Variants in TEX10 observed in about 807,000 individuals in gnomAD.
TEX10 encodes testis-expressed protein 10.
TEX10 carries 24 observed loss-of-function variants against 104.4 expected under a neutral mutation model. That is an observed-to-expected ratio of 0.23 (90% CI 0.17 to 0.32). The LOEUF is 0.32. TEX10 is among the 10% of genes least tolerant of loss of function. The pLI is 1.00. For synonymous variants in TEX10, 396 were observed against 393.4 expected (o/e 1.01, Z -0.08); for missense variants, 921 against 1,083.9 (o/e 0.85, Z 2.11).
At chr9:100,329,834 A>T in intron 6 of TEX10, 97 bp downstream of exon 6, 1 of 1,029,188 alleles carries the variant, frequency 9.7e-7, no homozygotes, top group Non-Finnish European at 1.4e-6. Context: ...TAGCCTGACT[A>T]CATGGAATGT....
chr9:100,324,692 G>A (rs1183277640), intron 9 of TEX10, among the ~76,000 whole-genome samples: 1 of 152,146 alleles, frequency 6.6e-6, no homozygotes, highest in Non-Finnish European at 1.5e-5. Context: ...GTGAACAGAT[G>A]TTGATGAAGA....
At chr9:100,340,778 A>T (rs1009876504) in intron 4 of TEX10, among the ~76,000 whole-genome samples, 1 of 152,226 alleles carries the variant, frequency 6.6e-6, no homozygotes, top group Non-Finnish European at 1.5e-5. Flanking sequence ...GCATTTACTT[A>T]AAATGCTTCA....
intron 1 of TEX10, chr9:100,352,401 T>C (rs891375923): frequency 6.4e-7 from 1 of 1,551,676 alleles, no homozygotes; most frequent in Non-Finnish European, 8.7e-7. Flanking sequence ...CCTGCATCCA[T>C]CCCAGAGGCG....
At chr9:100,345,247 C>A (rs1049889178) in intron 4 of TEX10, among the ~76,000 whole-genome samples, 1 of 152,164 alleles carries the variant, frequency 6.6e-6, no homozygotes, top group African/African-American at 2.4e-5. Flanking sequence ...ATAGAACACG[C>A]TCTTAAAATA....
chr9:100,346,176 C>G lies in TEX10; in HGVS notation c.1033G>C (p.Gly345Arg), dbSNP rs778677905. 2 of 1,613,980 alleles carry G rather than the reference C, an allele frequency of 1.2e-6. No homozygotes were observed. The highest frequency in any genetic ancestry group is 1.7e-6 in the Non-Finnish European group (2 of 1,179,934). ...AVPPQLATPV[G>R]NGIEREPLQV... ...AGAGGTTCTCGTTCTATACCATTCC[C>G]AACAGGAGTAGCTAGTTGTGGAGGT... Residue 345 changes from glycine to arginine, a missense_variant, in exon 4 of 15, where the codon GGG (glycine) becomes CGG (arginine). Transcript: ENST00000374902.
At chr9:100,325,935 G>A (rs1834695707) in intron 9 of TEX10, among the ~76,000 whole-genome samples, 1 of 152,120 alleles carries the variant, frequency 6.6e-6, no homozygotes, top group African/African-American at 2.4e-5. Flanking sequence ...CAGTCCACAA[G>A]CTTGTTTAAT....
chr9:100,334,642 G>C (rs561932020), intron 5 of TEX10, among the ~76,000 whole-genome samples: 1 of 150,526 alleles, frequency 6.6e-6, no homozygotes, highest in Non-Finnish European at 1.5e-5. Context: ...TTGTTTTCCT[G>C]GAACTGATAG....
chr9:100,310,056 CA>C (rs1834235160), intron 12 of TEX10, among the ~76,000 whole-genome samples: 2 of 152,194 alleles, frequency 1.3e-5, no homozygotes, highest in Non-Finnish European at 2.9e-5. Flanking sequence ...TCCCTTATTT[CA>C]CTGATTTAGA....
At chr9:100,317,853 T>C (rs933158346) in intron 11 of TEX10, among the ~76,000 whole-genome samples, 2 of 152,042 alleles carry the variant, frequency 1.3e-5, no homozygotes, top group Non-Finnish European at 2.9e-5. Context: ...AGATGACAAA[T>C]TGGCCAAAAA....
intron 1 of TEX10, chr9:100,352,412 A>C: frequency 6.4e-7 from 1 of 1,551,758 alleles, no homozygotes; most frequent in Non-Finnish European, 8.7e-7. Context: ...CCCAGAGGCG[A>C]ACACACCATG....
chr9:100,345,218 AGAT>A (rs1037797114), intron 4 of TEX10, among the ~76,000 whole-genome samples: 37 of 152,334 alleles, frequency 2.4e-4, no homozygotes, highest in African/African-American at 6.5e-4. Flanking sequence ...ACATTCCTAC[AGAT>A]GATGAGTTAA....
At chr9:100,332,023 T>C (rs987652651) in intron 5 of TEX10, among the ~76,000 whole-genome samples, 12 of 152,228 alleles carry the variant, frequency 7.9e-5, no homozygotes, top group Admixed American at 3.3e-4. Context: ...CAGAGAGATC[T>C]AGAAATTAAT....
At chr9:100,319,062 G>A (rs1437316622) in intron 11 of TEX10, among the ~76,000 whole-genome samples, 1 of 151,802 alleles carries the variant, frequency 6.6e-6, no homozygotes, top group Non-Finnish European at 1.5e-5. Context: ...AGTAGTGGCG[G>A]GCGCCTGTAA....
intron 7 of TEX10, among the ~76,000 whole-genome samples, chr9:100,328,533 T>C (rs569346246): frequency 1.3e-5 from 2 of 152,320 alleles, no homozygotes; most frequent in East Asian, 3.9e-4. Context: ...AGTATCCACC[T>C]CACAGTAGCA....
intron 5 of TEX10, among the ~76,000 whole-genome samples, chr9:100,333,484 C>A (rs1834924510): frequency 6.6e-6 from 1 of 151,876 alleles, no homozygotes; most frequent in Non-Finnish European, 1.5e-5. Context: ...ATGGAAAGGT[C>A]AAAGACCCAG....
At chr9:100,308,341 G>T (rs1834190764) in intron 13 of TEX10, among the ~76,000 whole-genome samples, 159 bp downstream of exon 13, 2 of 152,184 alleles carry the variant, frequency 1.3e-5, no homozygotes, top group South Asian at 4.1e-4. Context: ...GGGGATTCAT[G>T]AAGGAACAAA....
chr9:100,319,215 C>T (rs536859269), intron 11 of TEX10, among the ~76,000 whole-genome samples: 47 of 151,896 alleles, frequency 3.1e-4, no homozygotes, highest in African/African-American at 1.1e-3. Context: ...AACACCAAAC[C>T]AAACCCCAAA....
In TEX10 at chr9:100,320,268, T is replaced by C; in HGVS notation, c.2199A>G (p.Thr733=). Residue 733 remains threonine (T), a synonymous_variant, in exon 11 of 15, where the codon ACA becomes ACG. Coordinates refer to ENST00000374902, the MANE Select transcript of TEX10 (RefSeq NM_017746.4). ...LDQFLHHWDV[T]EAVFHSLLVI... ...TTCTTTTTAAATGAACTATTACCTC[T>C]GTTACATCCCAGTGGTGTAAAAATT... is the stretch of plus-strand genomic sequence containing the variant. The C allele has an allele frequency of 1.2e-6, 2 of 1,604,968 alleles. No homozygotes were observed. The highest frequency in any genetic ancestry group is 2.2e-5 in the South Asian group (2 of 89,222).
chr9:100,326,061 C>G (rs773191999), intron 9 of TEX10, among the ~76,000 whole-genome samples: 2 of 152,178 alleles, frequency 1.3e-5, no homozygotes, highest in Non-Finnish European at 2.9e-5. Flanking sequence ...TTACTACACA[C>G]ACTTTTGATA....
Sources: allele counts gnomAD v4.1 joint callset (sites outside exome capture counted in the v4.1 genomes callset), GRCh38; gene constraint gnomAD v4.1.1; transcripts MANE v1.5; gene names NCBI Gene and HGNC (gene_info 2026-07-23, HGNC 2026-07-21).